Variants in INO80 observed in about 807,000 individuals in gnomAD.
INO80 encodes the protein chromatin-remodeling ATPase INO80.
INO80 carries 20 observed loss-of-function variants against 203.4 expected under a neutral mutation model. That is an observed-to-expected ratio of 0.10 (90% CI 0.07 to 0.14). The LOEUF is 0.14. INO80 is among the 10% of genes least tolerant of loss of function. The pLI is 1.00. For synonymous variants in INO80, 726 were observed against 685.2 expected, an observed-to-expected ratio of 1.06 and a Z score of -0.93; for missense variants, 1,419 against 1,914.4, an observed-to-expected ratio of 0.74 and a Z score of 4.83.
Position 40,984,301 on chromosome 15 carries a change from G to A in INO80, c.3973C>T (p.Leu1325=). Residue 1325 remains leucine (L), a synonymous_variant, in exon 33 of 36, where the codon CTG becomes TTG. Transcript: ENST00000648947. ...DGKRRKEGVN[L]VIPFVPSADN... ...GCCGAGGGAACAAATGGGATCACCA[G>A]GTTCACACCCTCTTTTCTCCTTTTC... 6.2e-7 allele frequency: 1 copy of A among 1,614,108 alleles called. No individual in the cohort carries two copies. The highest frequency in any genetic ancestry group is 8.5e-7 in the Non-Finnish European group (1 of 1,179,986).
chr15:41,075,658 G>A (rs552488280), intron 9 of INO80, among the ~76,000 whole-genome samples: 41 of 152,206 alleles, frequency 2.7e-4, no homozygotes, highest in Middle Eastern at 3.4e-3. Context: ...GTTTCACTGC[G>A]TTAGCCAGGA....
At chr15:41,049,125 C>T (rs1428703795) in intron 21 of INO80, among the ~76,000 whole-genome samples, 162 bp downstream of exon 21, 2 of 152,234 alleles carry the variant, frequency 1.3e-5, no homozygotes, top group African/African-American at 2.4e-5. Context: ...TTTAACAGTG[C>T]TCAAATTCCT....
Position 40,984,281 on chromosome 15 carries a change from G to C in INO80, c.3993C>G (p.Pro1331=). 1 of 1,614,046 alleles carries C rather than the reference G, an allele frequency of 6.2e-7. No homozygotes were observed. The highest frequency in any genetic ancestry group is 8.5e-7 in the Non-Finnish European group (1 of 1,179,930). Residue 1331 remains proline, a synonymous_variant, in exon 33 of 36, where the codon CCC becomes CCG. Coordinates refer to ENST00000648947, the MANE Select transcript of INO80 (RefSeq NM_017553.3). ...EGVNLVIPFV[P]SADNSNLSAD... is the part of the protein sequence containing the mutation. ...CAGAGAGGTTGGAGTTATCAGCCGA[G>C]GGAACAAATGGGATCACCAGGTTCA...
chr15:41,109,070 G>C (rs932143054), intron 1 of INO80: 2 of 168,526 alleles, frequency 1.2e-5, no homozygotes, highest in Non-Finnish European at 2.6e-5. Flanking sequence ...ACAGTATTTG[G>C]AGAATCCCAA....
At chr15:41,031,605 GGAAGGGA>G (rs763920115) in intron 24 of INO80, among the ~76,000 whole-genome samples, 1 of 5,734 alleles carries the variant, frequency 1.7e-4, no homozygotes. Context: ...GAGGGAGGGA[GGAAGGGA>G]GGAGGGAGGA....
intron 25 of INO80, among the ~76,000 whole-genome samples, chr15:41,021,548 G>C (rs2140468069): frequency 6.6e-6 from 1 of 152,304 alleles, no homozygotes; most frequent in Admixed American, 6.5e-5. Context: ...AAAAACTAAA[G>C]AATATTGGCC....
chr15:40,982,831 C>G lies in INO80; in HGVS notation c.4453+31G>C, dbSNP rs200805219. On this transcript the variant is annotated intron_variant, in intron 35 of 35. Transcript: ENST00000648947. ...ATTTCTAGACTGTCTCTGACCAGAA[C>G]AAAGTCTGCAGCCACCCTGGGCTTC... is the stretch of plus-strand genomic sequence containing the variant. 4.8e-5 allele frequency: 76 copies of G among 1,568,224 alleles called. No individual in the cohort carries two copies. The Middle Eastern group carries it at 1.6e-3, about 32-fold the overall frequency.
intron 24 of INO80, among the ~76,000 whole-genome samples, chr15:41,030,393 TTC>T (rs1357491406): frequency 6.6e-6 from 1 of 152,192 alleles, no homozygotes; most frequent in Non-Finnish European, 1.5e-5. Flanking sequence ...GACAGAGTCT[TTC>T]TCTGTCACCC....
At chr15:41,016,275 C>G (rs1044993451) in intron 26 of INO80, 60 bp from the exon 27 acceptor site, 3 of 1,528,270 alleles carry the variant, frequency 2.0e-6, no homozygotes, top group Admixed American at 3.6e-5. Flanking sequence ...CAAAATCACT[C>G]AATGCAAAGC....
chr15:41,035,682 T>G (rs1363040051), intron 24 of INO80, among the ~76,000 whole-genome samples: 2 of 149,690 alleles, frequency 1.3e-5, no homozygotes, highest in African/African-American at 4.9e-5. Context: ...ATTAGCTGGG[T>G]GTGGTGGCGG....
At chr15:41,036,530 A>G (rs773688249) in intron 24 of INO80, among the ~76,000 whole-genome samples, 1 of 127,876 alleles carries the variant, frequency 7.8e-6, no homozygotes, top group Non-Finnish European at 1.8e-5. Flanking sequence ...AGTGCTCTTC[A>G]CAAAATTCTA....
At chr15:41,101,623 C>T (rs1008057228) in intron 1 of INO80, among the ~76,000 whole-genome samples, 1 of 151,194 alleles carries the variant, frequency 6.6e-6, no homozygotes. Context: ...GATCTCTGCT[C>T]ACTGCAAGCT....
intron 24 of INO80, among the ~76,000 whole-genome samples, chr15:41,044,085 C>G (rs1264640453): frequency 6.6e-6 from 1 of 152,190 alleles, no homozygotes; most frequent in Non-Finnish European, 1.5e-5. Context: ...TAGCAAATCT[C>G]ACATACCGTA....
chr15:41,052,799 T>C (rs796470726), intron 19 of INO80, among the ~76,000 whole-genome samples: 11 of 132,714 alleles, frequency 8.3e-5, no homozygotes, highest in African/African-American at 3.2e-4. Context: ...CCCAGGCGGG[T>C]GAATCCTTTG....
rs2043763290 is a variant in INO80 at position 40,988,046 on chromosome 15, T to C, written c.3571-72A>G. ...GAAATTCTGAGAGCAACCCAGCCAA[T>C]TGTCTGTTTGCGAGTTTGGCGTCAG... On this transcript the variant is annotated intron_variant, in intron 29 of 35. Transcript: ENST00000648947. The C allele has an allele frequency of 8.8e-6, 12 of 1,363,120 alleles. No homozygotes were observed. In the Admixed American group the frequency reaches 1.6e-4, roughly 18 times the overall value. The allele number at this position is 1,363,120 out of a possible 1,614,324, so 84.4% of individuals were successfully genotyped here. A position where few individuals can be genotyped will look rare whatever the true frequency, so the allele number is the denominator to read the frequency against.
intron 27 of INO80, among the ~76,000 whole-genome samples, chr15:41,007,561 A>G (rs908740910): frequency 1.3e-5 from 2 of 151,896 alleles, no homozygotes; most frequent in East Asian, 1.9e-4. Context: ...TGCTGTTTAT[A>G]TATTTATATA....
At chr15:41,082,620 C>T (rs1053319050) in intron 7 of INO80, among the ~76,000 whole-genome samples, 1 of 152,050 alleles carries the variant, frequency 6.6e-6, no homozygotes, top group Admixed American at 6.6e-5. Flanking sequence ...AGGAGAATTG[C>T]TTGAACCCGG....
Position 40,982,909 on chromosome 15 carries a change from G to A in INO80, c.4406C>T (p.Ala1469Val). The change falls in exon 35 of 36, where the codon GCG (alanine) becomes GTG (valine). Residue 1469 changes from alanine to valine, a missense_variant. By Grantham distance (64) the Ala-to-Val change is moderately conservative. Transcript: ENST00000648947. Reference sequence around the variant, plus strand: ...TGCGGCATAGGCAGCTGCAGAGGCCGCTGCAGCCCCGGCTTTGGCTCCTGC... The same window carrying A: ...TGCGGCATAGGCAGCTGCAGAGGCCACTGCAGCCCCGGCTTTGGCTCCTGC... ...AMAGAKAGAA[A>V]ASAAAYAAYG... The A allele has an allele frequency of 1.9e-6, 3 of 1,613,904 alleles. No homozygotes were observed. The highest frequency in any genetic ancestry group is 2.5e-6 in the Non-Finnish European group (3 of 1,180,012).
At chr15:40,988,951 G>A (rs1337366604) in intron 29 of INO80, among the ~76,000 whole-genome samples, 17 of 152,094 alleles carry the variant, frequency 1.1e-4, no homozygotes, top group African/African-American at 4.1e-4. Flanking sequence ...GGAGGCAGAG[G>A]TTGCAGTGAG....
Sources: gnomAD v4.1 joint callset for allele counts (sites outside exome capture counted in the v4.1 genomes callset) on GRCh38, gnomAD v4.1.1 for gene constraint, MANE v1.5 for transcripts, NCBI Gene and HGNC (gene_info 2026-07-23, HGNC 2026-07-21) for gene names.